The following BMP1 variants were observed in gnomAD, a reference collection of about 807,000 sequenced individuals.
BMP1 encodes bone morphogenetic protein 1.
In BMP1, 63 loss-of-function variants were observed where a neutral mutation model predicts 116.8. The observed-to-expected ratio is 0.54, with a 90% CI of 0.44 to 0.67. BMP1 has a LOEUF of 0.67. Ranked by LOEUF, BMP1 falls within the 30% of genes least tolerant of loss-of-function variation. The pLI is 0.00. For synonymous variants in BMP1, 536 were observed against 533.4 expected, an observed-to-expected ratio of 1.00 and a Z score of -0.07; for missense variants, 1,183 against 1,358.9, an observed-to-expected ratio of 0.87 and a Z score of 2.04.
intron 16 of BMP1, among the ~76,000 whole-genome samples, chr8:22,204,475 C>T (rs1343492618): frequency 6.6e-6 from 1 of 152,224 alleles, no homozygotes; most frequent in East Asian, 1.9e-4. Context: ...GTAATCCCAG[C>T]ACTTTGGGAA....
In BMP1 at chr8:22,211,910, TC is replaced by T; in HGVS notation, c.*186del. ...GAACTGGACTCCGGCATAAGCCACT[TC>T]CCCACAAACCCCCACCAGCAAGGGG... On this transcript the variant is annotated 3_prime_UTR_variant, in exon 20 of 20. Transcript: ENST00000306385. 1 of 866,072 alleles carries T rather than the reference TC, an allele frequency of 1.2e-6. No individual in the cohort carries two copies. The highest frequency in any genetic ancestry group is 1.7e-6 in the Non-Finnish European group (1 of 579,194). 53.6% of individuals were successfully genotyped at this position (866,072 alleles called of 1,614,324 possible).
chr8:22,210,446 C>CTCTCTCT (rs1829442577), intron 19 of BMP1, among the ~76,000 whole-genome samples: 21 of 135,690 alleles, frequency 1.5e-4, no homozygotes, highest in South Asian at 2.3e-4. Context: ...TCTCTCTTTC[C>CTCTCTCT]CTCTCTCTCT....
chr8:22,193,677 G>A (rs1828996702), intron 9 of BMP1, among the ~76,000 whole-genome samples: 1 of 152,206 alleles, frequency 6.6e-6, no homozygotes, highest in African/African-American at 2.4e-5. Flanking sequence ...CCGGCTACTT[G>A]GGAGGCTGAG....
At chr8:22,191,871 T>A (rs1828940499) in intron 8 of BMP1, among the ~76,000 whole-genome samples, 178 bp from the exon 9 acceptor site, 1 of 152,192 alleles carries the variant, frequency 6.6e-6, no homozygotes. Context: ...AAGCTGACCA[T>A]ACACAGACAA....
intron 1 of BMP1, among the ~76,000 whole-genome samples, chr8:22,172,748 C>T (rs2131843298): frequency 6.6e-6 from 1 of 151,036 alleles, no homozygotes; most frequent in East Asian, 2.0e-4. Flanking sequence ...GAGTGAGTAG[C>T]TGGAACTACA....
At chr8:22,197,636 G>T (rs1829131503) in intron 15 of BMP1, among the ~76,000 whole-genome samples, 1 of 152,178 alleles carries the variant, frequency 6.6e-6, no homozygotes, top group Non-Finnish European at 1.5e-5. Flanking sequence ...AATGACTGGG[G>T]CCTGAGGATG....
At chr8:22,197,122 G>T (rs1829115520) in intron 14 of BMP1, 118 bp from the exon 15 acceptor site, 5 of 1,333,346 alleles carry the variant, frequency 3.7e-6, no homozygotes, top group Non-Finnish European at 5.1e-6. Context: ...AGGATCCAGT[G>T]AGGGGGCGTA....
chr8:22,207,872 A>G (rs28446935), intron 18 of BMP1, among the ~76,000 whole-genome samples: 5 of 138,884 alleles, frequency 3.6e-5, no homozygotes, highest in Admixed American at 3.4e-4. Flanking sequence ...TTATTTTTTT[A>G]TTTTTATTTT....
chr8:22,194,052 G>A lies in BMP1; in HGVS notation c.1181-6G>A. ...CACCACTCTTCCATCCACACTGTCT[G>A]TGCAGGCCGCTTCTGCGGGTCCAAA... On this transcript the variant is annotated splice_polypyrimidine_tract_variant and splice_region_variant and intron_variant, in intron 9 of 19. Coordinates refer to ENST00000306385, the MANE Select transcript of BMP1 (RefSeq NM_006129.5). The surrounding 1 kb of genome is among the most constrained non-coding windows in gnomAD (Gnocchi z 4.5). The A allele has an allele frequency of 6.2e-7, 1 of 1,612,322 alleles. No homozygotes were observed. The highest frequency in any genetic ancestry group is 1.1e-5 in the South Asian group (1 of 91,038).
intron 15 of BMP1, chr8:22,198,985 C>T (rs772598909): frequency 6.9e-6 from 9 of 1,296,024 alleles, no homozygotes; most frequent in Non-Finnish European, 9.1e-6. Context: ...CCATTACCTG[C>T]TTACTCTCGT....
intron 18 of BMP1, 150 bp from the exon 19 acceptor site, chr8:22,209,295 T>G (rs1462779876): frequency 7.5e-7 from 1 of 1,333,608 alleles, no homozygotes; most frequent in East Asian, 2.5e-5. Context: ...CACAGCAATG[T>G]TCTGGGCCAG....
Position 22,207,489 on chromosome 8 carries a change from A to C in BMP1, c.2548A>C (p.Lys850Gln). The C allele has an allele frequency of 6.2e-7, 1 of 1,613,626 alleles. No individual in the cohort carries two copies. Among genetic ancestry groups the C allele is most frequent in the South Asian group, 1.1e-5 (1 of 91,086 alleles). ...RFYSDNSVQRKGFQASHATEC... is the reference protein window; with the variant it reads ...RFYSDNSVQRQGFQASHATEC... ...CTACTCAGATAACTCGGTCCAGCGA[A>C]AGGGCTTCCAGGCCTCCCACGCCAC... Residue 850 changes from lysine (K) to glutamine (Q), a missense_variant, in exon 18 of 20, where the codon AAG becomes CAG. Physicochemically the swap from Lys to Gln is moderately conservative, Grantham distance 53 (BLOSUM62 1). This residue lies in a region of BMP1 where 956 missense variants were observed against 1,135.2 expected (regional missense o/e 0.84). Transcript: ENST00000306385.
Position 22,176,670 on chromosome 8 carries a change from C to G in BMP1, c.551+20C>G, listed in dbSNP as rs375600190. On this transcript the variant is annotated intron_variant, in intron 4 of 19. Coordinates refer to ENST00000306385, the MANE Select transcript of BMP1 (RefSeq NM_006129.5). ...TTGCGGGTGAGCAGGAAGCCCTAGG[C>G]GCTGTACCTTCCGCCATTGCCCCAA... is the stretch of plus-strand genomic sequence containing the variant. The G allele has an allele frequency of 6.2e-7, 1 of 1,611,008 alleles. No individual in the cohort carries two copies. The highest frequency in any genetic ancestry group is 8.5e-7 in the Non-Finnish European group (1 of 1,177,416).
rs868533607 is a variant in BMP1, at chr8:22,197,356, G to T, written c.2043G>T (p.Met681Ile). 1.2e-6 allele frequency: 2 copies of T among 1,613,960 alleles called. No individual in the cohort carries two copies. Among genetic ancestry groups the T allele is most frequent in the Admixed American group, 3.3e-5 (2 of 60,018 alleles). The change falls in exon 15 of 20, where the codon ATG becomes ATT. Residue 681 changes from methionine (M) to isoleucine (I), a missense_variant. This residue lies in a region of BMP1 where 956 missense variants were observed against 1,135.2 expected (regional missense o/e 0.84). Coordinates refer to ENST00000306385, the MANE Select transcript of BMP1 (RefSeq NM_006129.5). Reference protein sequence around the residue: ...PEVITSQYNNMRVEFKSDNTV... With the variant: ...PEVITSQYNNIRVEFKSDNTV... ...TCATCACCTCCCAGTACAACAACAT[G>T]CGCGTGGAGTTCAAGTCCGACAACA...
At chr8:22,202,926 C>G (rs899540095) in intron 16 of BMP1, among the ~76,000 whole-genome samples, 1 of 152,076 alleles carries the variant, frequency 6.6e-6, no homozygotes, top group Non-Finnish European at 1.5e-5. Context: ...GGGAGAATCA[C>G]CTGAGTCTGG....
chr8:22,179,748 G>A lies in BMP1; in HGVS notation c.880G>A (p.Gly294Arg), dbSNP rs746374795. Residue 294 changes from glycine (G) to arginine (R), a missense_variant, in exon 7 of 20, where the codon GGG becomes AGG. Gly to Arg is a moderately radical substitution (Grantham distance 125). Around this residue, in one of 4 missense-constraint regions of BMP1, gnomAD observed 956 missense variants for 1,135.2 expected, o/e 0.84. Coordinates refer to ENST00000306385, the MANE Select transcript of BMP1 (RefSeq NM_006129.5). This position sits in a 1 kb window ranked among gnomAD's most constrained non-coding sequence, Gnocchi z 4.6. ...CATTGTCCCCAAGTATGAGGTGAAC[G>A]GGGTGAAACCTCCCATTGGCCAAAG... ...DTIVPKYEVN[G>R]VKPPIGQRTR... 14 of 1,614,112 alleles carry A rather than the reference G, an allele frequency of 8.7e-6. No individual in the cohort carries two copies. The East Asian group carries it at 8.9e-5, about 10-fold the overall frequency.
Position 22,173,714 on chromosome 8 carries a change from A to G in BMP1, c.261A>G (p.Ala87=). The change falls in exon 2 of 20, where the codon GCA becomes GCG. Residue 87 remains alanine, a splice_region_variant and synonymous_variant. Transcript: ENST00000306385. ...CTCGTAAGTCCTCCATCAAAGCTGCAGGTAAGCCGGGTGCCAATGGGCCCT... is the reference window on the plus strand; with the variant it reads ...CTCGTAAGTCCTCCATCAAAGCTGCGGGTAAGCCGGGTGCCAATGGGCCCT... ...HTARKSSIKA[A]VPGNTSTPSC... 6.2e-7 allele frequency: 1 copy of G among 1,608,314 alleles called. No homozygotes were observed. Among genetic ancestry groups the G allele is most frequent in the Non-Finnish European group, 8.5e-7 (1 of 1,176,864 alleles).
At chr8:22,183,906 A>G (rs1347452409) in intron 8 of BMP1, among the ~76,000 whole-genome samples, 1 of 152,160 alleles carries the variant, frequency 6.6e-6, no homozygotes, top group Admixed American at 6.6e-5. Flanking sequence ...GTTATGTCCA[A>G]CATTATCGTA....
chr8:22,165,878 C>CGT (rs1432185239), intron 1 of BMP1, among the ~76,000 whole-genome samples: 28 of 67,796 alleles, frequency 4.1e-4, no homozygotes, highest in South Asian at 9.3e-4. Flanking sequence ...AACTCCTGTG[C>CGT]GTGCGTGTGT....
Sources: allele counts gnomAD v4.1 joint callset (sites outside exome capture counted in the v4.1 genomes callset), GRCh38; gene constraint gnomAD v4.1.1; regional missense constraint gnomAD v4.1.1; non-coding constraint Gnocchi (gnomAD v3.1); transcripts MANE v1.5; gene names NCBI Gene and HGNC (gene_info 2026-07-23, HGNC 2026-07-21).